Variants in AKTIP observed in about 807,000 individuals in gnomAD.
The protein encoded by AKTIP is AKT-interacting protein.
AKTIP carries 16 observed loss-of-function variants against 39.1 expected under a neutral mutation model. That is an observed-to-expected ratio of 0.41 (90% confidence interval 0.28 to 0.62). The LOEUF (loss-of-function observed/expected upper bound fraction) is 0.62. Among genes scored for constraint, AKTIP ranks in the 20% least tolerant of loss-of-function variants. AKTIP has a pLI of 0.32. For missense variants in AKTIP, 262 were observed against 356.6 expected, an observed-to-expected ratio of 0.73 and a Z score of 2.14; for synonymous variants, 93 against 124.3, an observed-to-expected ratio of 0.75 and a Z score of 1.67.
intron 1 of AKTIP, 30 bp from the exon 2 acceptor site, chr16:53,500,359 A>C: frequency 2.7e-6 from 4 of 1,459,698 alleles, no homozygotes; most frequent in Non-Finnish European, 1.9e-6. Context: ...ACATAGAAAC[A>C]TGCCAACACC....
rs150208913 is a variant in AKTIP, at chr16:53,502,793, C to T, written c.-71+354G>A. 4.6e-3 allele frequency: 704 copies of T among 152,314 alleles called. 2 individuals carry two copies. Among genetic ancestry groups the T allele is most frequent in the Non-Finnish European group, 7.7e-3 (521 of 68,058 alleles). 9.4% of individuals were successfully genotyped at this position (152,314 alleles called of 1,614,324 possible). Reference sequence around the variant, plus strand: ...GCCGCGGGCCCCTCCAGTGGGGGGGCTCTGGGGCCCGGCGACGCCCCCTTA... The same window carrying T: ...GCCGCGGGCCCCTCCAGTGGGGGGGTTCTGGGGCCCGGCGACGCCCCCTTA... On this transcript the variant is annotated intron_variant, in intron 1 of 9. Transcript: ENST00000394657.
intron 3 of AKTIP, among the ~76,000 whole-genome samples, chr16:53,495,931 G>A (rs948372710): frequency 6.6e-6 from 1 of 152,208 alleles, no homozygotes; most frequent in East Asian, 1.9e-4. Flanking sequence ...CACACGCCCT[G>A]CTCTCAAATG....
intron 1 of AKTIP, 33 bp from the exon 2 acceptor site, chr16:53,500,362 C>T: frequency 1.4e-6 from 2 of 1,439,644 alleles, no homozygotes; most frequent in Non-Finnish European, 1.9e-6. Context: ...TAGAAACATG[C>T]CAACACCAAC....
At chr16:53,500,078 TA>T in intron 2 of AKTIP, 139 bp downstream of exon 2, 1 of 570,606 alleles carries the variant, frequency 1.8e-6, no homozygotes, top group Non-Finnish European at 3.0e-6. Flanking sequence ...TTCTCAAGAG[TA>T]AACCCTTAAC....
At chr16:53,498,185 A>C (rs1020306037) in intron 3 of AKTIP, among the ~76,000 whole-genome samples, 3 of 152,192 alleles carry the variant, frequency 2.0e-5, no homozygotes, top group Non-Finnish European at 2.9e-5. Context: ...GGCTATTTTT[A>C]TCTCTCTACC....
rs142416492 is a variant in AKTIP, at chr16:53,491,825, G to GTAAT, written c.*583_*586dup. The stretch of plus-strand genomic sequence containing the variant: ...CCCTCCTGCCATAAAAATACAGTAA[G>GTAAT]TAATTTGCTTAAAAAAAACAACACA... On this transcript the variant is annotated 3_prime_UTR_variant, in exon 10 of 10. Coordinates refer to ENST00000394657, the MANE Select transcript of AKTIP (RefSeq NM_022476.4). 5 of 152,510 alleles carry GTAAT rather than the reference G, an allele frequency of 3.3e-5. No individual in the cohort carries two copies. The highest frequency in any genetic ancestry group is 5.9e-5 in the Non-Finnish European group (4 of 68,028). The allele number at this position is 152,510 out of a possible 1,614,324, so 9.4% of individuals were successfully genotyped here. A position where few individuals can be genotyped will look rare whatever the true frequency, so the allele number is the denominator to read the frequency against.
At chr16:53,495,411 G>A in intron 3 of AKTIP, 85 bp from the exon 4 acceptor site, 1 of 1,323,118 alleles carries the variant, frequency 7.6e-7, no homozygotes, top group Non-Finnish European at 1.1e-6. Context: ...TTGAGACAAT[G>A]AACGGCCCCT....
chr16:53,492,242 A>C lies in AKTIP; in HGVS notation c.*170T>G, dbSNP rs1280895725. ...TTCTGACAGAAGTAATGCATTACTT[A>C]GAGACAGGTTTCCAAACCCTGCTGT... On this transcript the variant is annotated 3_prime_UTR_variant, in exon 10 of 10. Coordinates refer to ENST00000394657, the MANE Select transcript of AKTIP (RefSeq NM_022476.4). 2 of 596,242 alleles carry C rather than the reference A, an allele frequency of 3.4e-6. No homozygotes were observed. Among genetic ancestry groups the C allele is most frequent in the African/African-American group, 3.7e-5 (2 of 53,708 alleles). 36.9% of individuals were successfully genotyped at this position (596,242 alleles called of 1,614,324 possible). A position where few individuals can be genotyped will look rare whatever the true frequency, so the allele number is the denominator to read the frequency against.
In AKTIP at chr16:53,492,397, C is replaced by G. The variant is rs1470513485; in HGVS notation, c.*15G>C. On this transcript the variant is annotated 3_prime_UTR_variant, in exon 10 of 10. Coordinates refer to ENST00000394657, the MANE Select transcript of AKTIP (RefSeq NM_022476.4). ...TCTAGCAGGAAAGTGCATGGTGCACCAGATTCACCATCTCTTAAGTCGCCA... is the reference window on the plus strand; with the variant it reads ...TCTAGCAGGAAAGTGCATGGTGCACGAGATTCACCATCTCTTAAGTCGCCA... 1 of 1,608,558 alleles carries G rather than the reference C, an allele frequency of 6.2e-7. No homozygotes were observed. The highest frequency in any genetic ancestry group is 1.3e-5 in the African/African-American group (1 of 74,760).
chr16:53,496,038 G>A (rs1433827948), intron 3 of AKTIP, among the ~76,000 whole-genome samples: 1 of 152,128 alleles, frequency 6.6e-6, no homozygotes, highest in Admixed American at 6.5e-5. Context: ...TGACACAAAG[G>A]CTACACTGGT....
Position 53,500,281 on chromosome 16 carries a change from A to C in AKTIP, c.-22T>G, listed in dbSNP as rs1485888962. 5 of 1,610,890 alleles carry C rather than the reference A, an allele frequency of 3.1e-6. No homozygotes were observed. In the South Asian group the frequency reaches 4.4e-5, roughly 14 times the overall value. Reference sequence around the variant, plus strand: ...TCATAACGTGTATTCCAAACAAAGAAAGTCAGTGGTGTATCATCCAAATCT... The same window carrying C: ...TCATAACGTGTATTCCAAACAAAGACAGTCAGTGGTGTATCATCCAAATCT... On this transcript the variant is annotated 5_prime_UTR_variant, in exon 2 of 10. Transcript: ENST00000394657.
chr16:53,503,671 G>C (rs1392092258), upstream of AKTIP, among the ~76,000 whole-genome samples: 1 of 152,324 alleles, frequency 6.6e-6, no homozygotes, highest in African/African-American at 2.4e-5. Flanking sequence ...ACGTCTGCAA[G>C]CCAAGCTTTT....
intron 8 of AKTIP, 97 bp downstream of exon 8, chr16:53,494,041 G>A (rs1961670712): frequency 2.2e-6 from 2 of 910,108 alleles, no homozygotes; most frequent in East Asian, 2.4e-5. Context: ...GCTTATGCAT[G>A]TGCCTTTTTA....
At chr16:53,499,180 A>G (rs1169056678) in intron 2 of AKTIP, among the ~76,000 whole-genome samples, 1 of 152,276 alleles carries the variant, frequency 6.6e-6, no homozygotes. Context: ...AAAGGTCGAC[A>G]TGAGTCAGAG....
At chr16:53,497,677 ACT>A (rs1013970288) in intron 3 of AKTIP, among the ~76,000 whole-genome samples, 10 of 152,120 alleles carry the variant, frequency 6.6e-5, no homozygotes, top group African/African-American at 2.4e-4. Context: ...CCACTGTCCT[ACT>A]CTCTAGAAAA....
At chr16:53,497,504 T>G (rs1055134351) in intron 3 of AKTIP, among the ~76,000 whole-genome samples, 1 of 152,188 alleles carries the variant, frequency 6.6e-6, no homozygotes, top group Admixed American at 6.5e-5. Context: ...CAAGAAAACT[T>G]CTCCAGTTCC....
chr16:53,503,259 G>GCCCCACCCCA (rs1381452800), upstream of AKTIP: 2 of 37,060 alleles, frequency 5.4e-5, no homozygotes, highest in Non-Finnish European at 1.2e-4. Context: ...GCCCCACCCC[G>GCCCCACCCCA]CCCTGCCCTG....
intron 3 of AKTIP, among the ~76,000 whole-genome samples, chr16:53,496,038 G>C (rs1433827948): frequency 6.6e-6 from 1 of 152,128 alleles, no homozygotes; most frequent in Non-Finnish European, 1.5e-5. Context: ...TGACACAAAG[G>C]CTACACTGGT....
rs567968094 is a variant in AKTIP at position 53,491,269 on chromosome 16, A to T, written c.*1143T>A. ...AAATGTCTATTAAGGTGATATATTT[A>T]AAAATATTTTTGGGTGTTCCTGGCA... On this transcript the variant is annotated 3_prime_UTR_variant, in exon 10 of 10. Transcript: ENST00000394657. 9.7e-4 allele frequency: 147 copies of T among 152,308 alleles called. 2 individuals carry two copies. The highest frequency in any genetic ancestry group is 3.1e-3 in the African/African-American group (128 of 41,560). The allele number at this position is 152,308 out of a possible 1,614,324, so 9.4% of individuals were successfully genotyped here.
Sources: gnomAD v4.1 joint callset for allele counts (sites outside exome capture counted in the v4.1 genomes callset) on GRCh38, gnomAD v4.1.1 for gene constraint, MANE v1.5 for transcripts, NCBI Gene and HGNC (gene_info 2026-07-23, HGNC 2026-07-21) for gene names.